The following GALNTL6 variants were observed in gnomAD, a reference collection of about 807,000 sequenced individuals.
GALNTL6 encodes the protein polypeptide N-acetylgalactosaminyltransferase like 6.
A neutral mutation model predicts 73.7 loss-of-function variants in GALNTL6; 46 were observed. The observed-to-expected ratio is 0.62, with a 90% CI of 0.49 to 0.80. The LOEUF is 0.80. Ranked by LOEUF, GALNTL6 falls within the 30% of genes least tolerant of loss-of-function variation. The pLI, the probability that GALNTL6 is intolerant of heterozygous loss-of-function variation, is 0.00. For synonymous variants in GALNTL6, 259 were observed against 263.7 expected, an observed-to-expected ratio of 0.98 and a Z score of 0.17; for missense variants, 604 against 755.0, an observed-to-expected ratio of 0.80 and a Z score of 2.34.
intron 3 of GALNTL6, among the ~76,000 whole-genome samples, chr4:172,268,799 T>C (rs1266073951): frequency 3.3e-5 from 5 of 152,158 alleles, no homozygotes; most frequent in African/African-American, 4.8e-5. Flanking sequence ...CCCTCTTCCA[T>C]GTGAGAACAC....
intron 2 of GALNTL6, among the ~76,000 whole-genome samples, chr4:171,970,164 C>T (rs947694922): frequency 1.5e-4 from 23 of 152,290 alleles, no homozygotes; most frequent in African/African-American, 5.1e-4. Context: ...TAAAATATTT[C>T]CTCTCCACAT....
At chr4:172,152,343 A>G (rs1734116277) in intron 2 of GALNTL6, among the ~76,000 whole-genome samples, 1 of 152,194 alleles carries the variant, frequency 6.6e-6, no homozygotes, top group African/African-American at 2.4e-5. Flanking sequence ...ACAGGGGAAT[A>G]TGAGTCAAAG....
chr4:171,814,989 T>C, intron 2 of GALNTL6: 1 of 527,640 alleles, frequency 1.9e-6, no homozygotes, highest in South Asian at 3.3e-5. Flanking sequence ...CTTAGGTTGA[T>C]TTTGACTTGA....
chr4:171,882,794 AC>A (rs773642839), intron 2 of GALNTL6, among the ~76,000 whole-genome samples: 2 of 152,206 alleles, frequency 1.3e-5, no homozygotes, highest in Non-Finnish European at 2.9e-5. Context: ...CCACCCAGGA[AC>A]AATACTTTGC....
chr4:171,929,143 T>C (rs1031603009), intron 2 of GALNTL6, among the ~76,000 whole-genome samples: 1 of 152,248 alleles, frequency 6.6e-6, no homozygotes, highest in East Asian at 1.9e-4. Flanking sequence ...CAGGACTCAC[T>C]GCAGCCCCCA....
chr4:172,295,531 GTTTTTTTTTTTTT>G (rs58721038), intron 3 of GALNTL6, among the ~76,000 whole-genome samples: 1 of 73,164 alleles, frequency 1.4e-5, no homozygotes, highest in African/African-American at 5.9e-5. Context: ...CTTTTTTTAG[GTTTTTTTTTTTTT>G]TTTTTTTTTT....
At chr4:172,430,053 C>T (rs183662038) in intron 5 of GALNTL6, among the ~76,000 whole-genome samples, 3 of 151,614 alleles carry the variant, frequency 2.0e-5, no homozygotes, top group Admixed American at 2.0e-4. Flanking sequence ...ATGCGATTTT[C>T]TTGAGCAAAA....
intron 5 of GALNTL6, among the ~76,000 whole-genome samples, chr4:172,676,546 C>T (rs1732311590): frequency 6.6e-6 from 1 of 152,178 alleles, no homozygotes; most frequent in Admixed American, 6.5e-5. Flanking sequence ...GGCTTGGGTG[C>T]ATTGAGCAAG....
intron 5 of GALNTL6, among the ~76,000 whole-genome samples, chr4:172,644,251 G>GTGTATGTGTGTATATA (rs1740123642): frequency 1.3e-5 from 2 of 151,352 alleles, no homozygotes; most frequent in South Asian, 4.2e-4. Context: ...GTGTGTATAT[G>GTGTATGTGTGTATATA]TATATGTGTG....
intron 5 of GALNTL6, among the ~76,000 whole-genome samples, chr4:172,586,496 A>T (rs1737415779): frequency 6.6e-6 from 1 of 150,602 alleles, no homozygotes; most frequent in Non-Finnish European, 1.5e-5. Flanking sequence ...AAAAAAGGAC[A>T]TTTCAAGATG....
rs1553997718 is a variant in GALNTL6 at position 172,871,611 on chromosome 4, A to AGAGT, written c.924-11178_924-11177insAGTG. On this transcript the variant is annotated intron_variant, in intron 7 of 12. Coordinates refer to ENST00000506823, the MANE Select transcript of GALNTL6 (RefSeq NM_001034845.3). ...TCTGGGGGGGGTGTGTGTGTGTGAG[A>AGAGT]GTGTGTGTGTGTGTGTGTGTGTGTG... Among the ~76,000 whole-genome samples the AGAGT allele has an allele frequency of 2.2e-5, 3 of 137,512 alleles. No homozygotes were observed. In the South Asian group the frequency reaches 7.4e-4, roughly 34 times the overall value. The allele number at this position is 137,512 out of a possible 152,430, so 90.2% of individuals were successfully genotyped here. A position where few individuals can be genotyped will look rare whatever the true frequency, so the allele number is the denominator to read the frequency against.
At chr4:172,148,725 G>C (rs565778512) in intron 2 of GALNTL6, among the ~76,000 whole-genome samples, 6 of 152,274 alleles carry the variant, frequency 3.9e-5, no homozygotes, top group African/African-American at 1.4e-4. Flanking sequence ...CTGCCAGCTC[G>C]AAGTGCTCTT....
At chr4:172,096,084 C>G (rs866613787) in intron 2 of GALNTL6, among the ~76,000 whole-genome samples, 4 of 147,186 alleles carry the variant, frequency 2.7e-5, no homozygotes, top group East Asian at 2.0e-4. Flanking sequence ...CTCTCTCTTT[C>G]TGTGTGTGTG....
At chr4:172,410,193 A>G (rs1332074582) in intron 5 of GALNTL6, among the ~76,000 whole-genome samples, 5 of 151,962 alleles carry the variant, frequency 3.3e-5, no homozygotes, top group African/African-American at 7.2e-5. Context: ...TATACATATC[A>G]TGAAGCTTAT....
chr4:172,838,095 A>G (rs941225513), intron 7 of GALNTL6, among the ~76,000 whole-genome samples: 4 of 151,894 alleles, frequency 2.6e-5, no homozygotes, highest in Admixed American at 6.6e-5. Context: ...GCATGGAAAC[A>G]TGATTTCTAT....
At chr4:171,881,095 A>G (rs1736434123) in intron 2 of GALNTL6, among the ~76,000 whole-genome samples, 1 of 152,040 alleles carries the variant, frequency 6.6e-6, no homozygotes, top group African/African-American at 2.4e-5. Flanking sequence ...ATCCCTTTTC[A>G]GTTTCATTCC....
In GALNTL6 at chr4:171,919,481, C is replaced by T. The variant is rs138131348; in HGVS notation, c.138+104763C>T. Among the ~76,000 whole-genome samples, 271 of 152,070 alleles carry T rather than the reference C, an allele frequency of 1.8e-3. 1 individual carries two copies. Among genetic ancestry groups the T allele is most frequent in the Admixed American group, 0.01 (154 of 15,248 alleles). The stretch of plus-strand genomic sequence containing the variant: ...TAGAGCCCCAGTACCAGAGCTAGAG[C>T]GGGTCCCAATAGTTTGCATTTCAAA... On this transcript the variant is annotated intron_variant, in intron 2 of 12. Coordinates refer to ENST00000506823, the MANE Select transcript of GALNTL6 (RefSeq NM_001034845.3).
intron 5 of GALNTL6, among the ~76,000 whole-genome samples, chr4:172,798,117 T>A (rs1228754218): frequency 6.6e-6 from 1 of 152,144 alleles, no homozygotes; most frequent in Non-Finnish European, 1.5e-5. Flanking sequence ...TCACTTACAA[T>A]CATTTAGGTC....
chr4:172,634,265 G>A lies in GALNTL6; in HGVS notation c.554-175096G>A, dbSNP rs837214. On this transcript the variant is annotated intron_variant, in intron 5 of 12. Transcript: ENST00000506823. ...GCAGTGTTCAAGGCCTAAAAGCAGA[G>A]GTGACAAAAACAGTCTGCCTGCAAA... Among the ~76,000 whole-genome samples, 1,261 of 152,286 alleles carry A rather than the reference G, an allele frequency of 8.3e-3. 17 individuals are homozygous for A. The highest frequency in any genetic ancestry group is 0.029 in the African/African-American group (1,209 of 41,550).
Sources: gnomAD v4.1 joint callset for allele counts (sites outside exome capture counted in the v4.1 genomes callset) on GRCh38, gnomAD v4.1.1 for gene constraint, MANE v1.5 for transcripts, NCBI Gene and HGNC (gene_info 2026-07-23, HGNC 2026-07-21) for gene names.